MYH1: variants seen among roughly 807,000 people sequenced by gnomAD.
MYH1 encodes myosin-1.
Under a neutral mutation model 225.6 loss-of-function variants are expected in MYH1, and 214 were observed. That is an observed-to-expected ratio of 0.95 (90% confidence interval 0.85 to 1.06). The LOEUF (loss-of-function observed/expected upper bound fraction) is 1.06. Among genes scored for constraint, MYH1 ranks in the 50% least tolerant of loss-of-function variants. MYH1 has a pLI of 0.00. For synonymous variants in MYH1, 774 were observed against 842.3 expected, an observed-to-expected ratio of 0.92 and a Z score of 1.40; for missense variants, 2,098 against 2,344.2, an observed-to-expected ratio of 0.89 and a Z score of 2.17.
chr17:10,493,896 C>T (rs999162219), intron 39 of MYH1, among the ~76,000 whole-genome samples: 1 of 152,218 alleles, frequency 6.6e-6, no homozygotes, highest in African/African-American at 2.4e-5. Context: ...AGCTTCCTAA[C>T]ATGTCTCTCT....
rs372650679 is a variant in MYH1, at chr17:10,505,956, C to A, written c.2057-27G>T. The A allele has an allele frequency of 1.5e-5, 24 of 1,614,168 alleles. No homozygotes were observed. In the African/African-American group the frequency reaches 2.3e-4, roughly 15 times the overall value. On this transcript the variant is annotated intron_variant, in intron 18 of 39. Coordinates refer to ENST00000226207, the MANE Select transcript of MYH1 (RefSeq NM_005963.4). ...TAAAAGAATGAATCCACATGCCATA[C>A]TTCGTGGTCTATCACACACACACTG...
rs969846141 is a variant in MYH1 at position 10,516,227 on chromosome 17, T to C, written c.320A>G (p.Lys107Arg). 3 of 1,614,098 alleles carry C rather than the reference T, an allele frequency of 1.9e-6. No homozygotes were observed. Among genetic ancestry groups the C allele is most frequent in the Non-Finnish European group, 2.5e-6 (3 of 1,180,044 alleles). Residue 107 changes from lysine (K) to arginine (R), a missense_variant, in exon 4 of 40, where the codon AAA (lysine) becomes AGA (arginine). Coordinates refer to ENST00000226207, the MANE Select transcript of MYH1 (RefSeq NM_005963.4). ...GATCATCCAGGCTGCGTAGCGCTCTTTGAGGTTGTACAGCACAGCAGGCTC... is the reference window on the plus strand; with the variant it reads ...GATCATCCAGGCTGCGTAGCGCTCTCTGAGGTTGTACAGCACAGCAGGCTC... The part of the protein sequence containing the change: ...LHEPAVLYNL[K>R]ERYAAWMIYT...
chr17:10,498,804 G>T lies in MYH1; in HGVS notation c.4003C>A (p.His1335Asn). Residue 1335 changes from histidine to asparagine, a missense_variant, in exon 30 of 40, where the codon CAT (histidine) becomes AAT (asparagine). Coordinates refer to ENST00000226207, the MANE Select transcript of MYH1 (RefSeq NM_005963.4). Reference protein sequence around the residue: ...EEIKAKSALAHALQSSRHDCD... With the variant: ...EEIKAKSALANALQSSRHDCD... The stretch of plus-strand genomic sequence containing the variant: ...TCATGGCGGGAGGACTGCAGGGCAT[G>T]TGCCAGGGCACTCTTGGCCTGAGAA... The T allele has an allele frequency of 6.2e-7, 1 of 1,614,148 alleles. No homozygotes were observed. The highest frequency in any genetic ancestry group is 1.7e-4 in the Middle Eastern group (1 of 6,060).
intron 17 of MYH1, 121 bp downstream of exon 17, chr17:10,507,765 C>A: frequency 2.4e-6 from 2 of 822,842 alleles, no homozygotes; most frequent in South Asian, 1.7e-5. Context: ...CCACTACCAG[C>A]TGAACTATCT....
chr17:10,497,705 A>T lies in MYH1; in HGVS notation c.4365+29T>A, dbSNP rs73974723. The T allele has an allele frequency of 2.1e-3, 3,392 of 1,612,122 alleles. 69 individuals carry two copies. In the African/African-American group the frequency reaches 0.039, roughly 19 times the overall value. ...GCAGGCTATTGTTAATTCTGTGTTGAAAGTTGAAGCAAAAACTGGAGAGAA... is the reference window on the plus strand; with the variant it reads ...GCAGGCTATTGTTAATTCTGTGTTGTAAGTTGAAGCAAAAACTGGAGAGAA... On this transcript the variant is annotated intron_variant, in intron 31 of 39. Transcript: ENST00000226207.
At chr17:10,507,435 TCCC>T (rs1035587933) in intron 17 of MYH1, among the ~76,000 whole-genome samples, 5 of 152,182 alleles carry the variant, frequency 3.3e-5, no homozygotes, top group Non-Finnish European at 5.9e-5. Context: ...AGGCTCCAAT[TCCC>T]ACCACTGTTC....
chr17:10,509,405 T>C (rs1364269564), intron 15 of MYH1, 80 bp downstream of exon 15: 13 of 1,592,466 alleles, frequency 8.2e-6, no homozygotes, highest in Middle Eastern at 1.7e-4. Flanking sequence ...TATTTAGCCA[T>C]TGCCTATATC....
Position 10,497,804 on chromosome 17 carries a change from A to G in MYH1, c.4295T>C (p.Leu1432Pro). 1.2e-6 allele frequency: 2 copies of G among 1,614,164 alleles called. No individual in the cohort carries two copies. Among genetic ancestry groups the G allele is most frequent in the Non-Finnish European group, 1.7e-6 (2 of 1,180,018 alleles). Residue 1432 changes from leucine to proline, a missense_variant, in exon 31 of 40, where the codon CTC becomes CCC. Transcript: ENST00000226207. ...ATTTGTCCTCTCAACATCAATCATG[A>G]GGTCCTCAACTTCATTCTGGAGCCT... is the stretch of plus-strand genomic sequence containing the variant. ...KQRLQNEVEDLMIDVERTNAA... is the reference protein window; with the variant it reads ...KQRLQNEVEDPMIDVERTNAA...
rs764396280 is a variant in MYH1, at chr17:10,512,526, GC to G, written c.1028del (p.Gly343AlafsTer17). On this transcript the variant is annotated frameshift_variant, in exon 12 of 40. Transcript: ENST00000226207. LOFTEE classifies it high-confidence loss of function. ...TGGACACTCTTTCATCTGAAGTAAA[GC>G]CCAGAATTTCAATGGCACTCTACCA... ...MATDSAIEIL[G>X]FTSDERVSIY... The G allele has an allele frequency of 2.7e-5, 44 of 1,613,930 alleles. No individual in the cohort carries two copies. The highest frequency in any genetic ancestry group is 3.5e-5 in the Non-Finnish European group (41 of 1,179,974).
rs1269015927 is a variant in MYH1 at position 10,511,948 on chromosome 17, T to C, written c.1307A>G (p.Asp436Gly). The change falls in exon 14 of 40, where the codon GAT becomes GGT. Residue 436 changes from aspartate to glycine, a missense_variant. Physicochemically the swap from Asp to Gly is moderately conservative, Grantham distance 94. Coordinates refer to ENST00000226207, the MANE Select transcript of MYH1 (RefSeq NM_005963.4). The stretch of plus-strand genomic sequence containing the variant: ...GGTGACCATCCACAAGAACATCTTA[T>C]CGTAGACAGCTTTGGCCAGAGCACC... ...AVGALAKAVY[D>G]KMFLWMVTRI... 1.9e-6 allele frequency: 3 copies of C among 1,614,068 alleles called. No individual in the cohort carries two copies. The highest frequency in any genetic ancestry group is 1.3e-5 in the African/African-American group (1 of 74,926).
intron 39 of MYH1, 90 bp downstream of exon 39, chr17:10,494,264 C>G: frequency 7.8e-7 from 1 of 1,276,294 alleles, no homozygotes. Context: ...TTTGATCCTT[C>G]CTCATTTTAC....
intron 6 of MYH1, 70 bp from the exon 7 acceptor site, chr17:10,514,194 G>A: frequency 1.3e-6 from 2 of 1,540,668 alleles, no homozygotes; most frequent in South Asian, 1.1e-5. Context: ...TCATGGCTTT[G>A]TCTTTATATC....
At chr17:10,509,464 G>T (rs192884465) in intron 15 of MYH1, 21 bp downstream of exon 15, 1 of 1,613,974 alleles carries the variant, frequency 6.2e-7, no homozygotes, top group Non-Finnish European at 8.5e-7. Flanking sequence ...ATGATCTGTG[G>T]TCTGCAAAAA....
At chr17:10,514,827 A>C in intron 6 of MYH1, 41 bp downstream of exon 6, 3 of 1,585,388 alleles carry the variant, frequency 1.9e-6, no homozygotes, top group Non-Finnish European at 2.6e-6. Context: ...TTTTTCCAGT[A>C]AGAACAAACT....
intron 33 of MYH1, among the ~76,000 whole-genome samples, 164 bp from the exon 34 acceptor site, chr17:10,496,713 A>G (rs1458351999): frequency 6.6e-6 from 1 of 152,174 alleles, no homozygotes; most frequent in Admixed American, 6.5e-5. Flanking sequence ...TTTTCTTGCT[A>G]TTCTCTAACA....
Position 10,501,417 on chromosome 17 carries a change from G to A in MYH1, c.3431C>T (p.Ser1144Phe), listed in dbSNP as rs765204648. The part of the protein sequence containing the change: ...AKAEKQRSDL[S>F]RELEEISERL... ...CTCGCTGATCTCCTCCAGCTCCCGG[G>A]AGAGATCAGAGCGCTGCTTCTCTGC... The change falls in exon 27 of 40, where the codon TCC becomes TTC. Residue 1144 changes from serine to phenylalanine, a missense_variant. By Grantham distance (155) the Ser-to-Phe change is radical. Transcript: ENST00000226207. 3.7e-6 allele frequency: 6 copies of A among 1,614,092 alleles called. No homozygotes were observed. The highest frequency in any genetic ancestry group is 5.1e-6 in the Non-Finnish European group (6 of 1,180,052).
intron 34 of MYH1, 21 bp from the exon 35 acceptor site, chr17:10,496,174 G>A (rs755009356): frequency 2.5e-6 from 4 of 1,614,186 alleles, no homozygotes; most frequent in South Asian, 1.1e-5. Context: ...AACCGTCATT[G>A]AGACACCATG....
At position 10,503,155 on chromosome 17, in the gene MYH1, T is replaced by C. The variant is rs762283216; in HGVS notation, c.2785A>G (p.Arg929Gly). The C allele has an allele frequency of 4.2e-5, 68 of 1,613,808 alleles. No individual in the cohort carries two copies. The highest frequency in any genetic ancestry group is 3.3e-4 in the Middle Eastern group (2 of 6,084). The change falls in exon 23 of 40, where the codon AGA (arginine) becomes GGA (glycine). Residue 929 changes from arginine to glycine, a missense_variant. Physicochemically the swap from Arg to Gly is moderately radical, Grantham distance 125 (BLOSUM62 -2). Coordinates refer to ENST00000226207, the MANE Select transcript of MYH1 (RefSeq NM_005963.4). ...TTGATCTCTTCCTCATCCTCAGCTC[T>C]CTCAGTCACCTCTTTGATTTTGGCT... ...LEAKIKEVTE[R>G]AEDEEEINAE...
At chr17:10,508,121 C>T (rs1382336552) in intron 16 of MYH1, among the ~76,000 whole-genome samples, 165 bp from the exon 17 acceptor site, 3 of 151,212 alleles carry the variant, frequency 2.0e-5, no homozygotes, top group African/African-American at 7.3e-5. Context: ...TGGGTTCAAG[C>T]GATTCTCCTG....
Sources: gnomAD v4.1 joint callset for allele counts (sites outside exome capture counted in the v4.1 genomes callset) on GRCh38, gnomAD v4.1.1 for gene constraint, MANE v1.5 for transcripts, NCBI Gene and HGNC (gene_info 2026-07-23, HGNC 2026-07-21) for gene names.